Variants in NOLC1 observed in about 807,000 individuals in gnomAD.
The protein encoded by NOLC1 is nucleolar and coiled-body phosphoprotein 1.
NOLC1 carries 37 observed loss-of-function variants against 73.4 expected under a neutral mutation model. That is an observed-to-expected ratio of 0.50 (90% CI 0.39 to 0.66). The LOEUF (loss-of-function observed/expected upper bound fraction) is 0.66. Among genes scored for constraint, NOLC1 ranks in the 30% least tolerant of loss-of-function variants. The probability of loss-of-function intolerance (pLI) is 0.00; values close to 1 mark genes in which losing one functional copy is unlikely to be tolerated. For missense variants in NOLC1, 921 were observed against 838.9 expected (o/e 1.10, Z -1.21); for synonymous variants, 327 against 302.6 (o/e 1.08, Z -0.84).
chr10:102,153,038 A>T (rs1446399202), intron 1 of NOLC1, among the ~76,000 whole-genome samples: 1 of 152,214 alleles, frequency 6.6e-6, no homozygotes, highest in Middle Eastern at 3.2e-3. Flanking sequence ...TTTGAGTTAC[A>T]CTGAGAATTG....
At chr10:102,152,623 G>T (rs962876058) in intron 1 of NOLC1, 93 bp downstream of exon 1, 4 of 1,556,056 alleles carry the variant, frequency 2.6e-6, no homozygotes, top group Non-Finnish European at 3.5e-6. Context: ...GAAGTCTGGG[G>T]GTCCGCCAGT....
intron 6 of NOLC1, 22 bp downstream of exon 6, chr10:102,159,330 A>G (rs2069657623): frequency 1.2e-6 from 2 of 1,613,986 alleles, no homozygotes; most frequent in South Asian, 1.1e-5. Context: ...AACTTCTGTC[A>G]GGGCAGAGGT....
intron 1 of NOLC1, among the ~76,000 whole-genome samples, chr10:102,155,554 G>A (rs2069581736): frequency 1.3e-5 from 2 of 151,216 alleles, no homozygotes; most frequent in African/African-American, 4.9e-5. Flanking sequence ...TGTCGCCCAG[G>A]CTGGAGTACA....
intron 1 of NOLC1, among the ~76,000 whole-genome samples, chr10:102,153,775 T>A (rs961990634): frequency 1.3e-5 from 2 of 148,654 alleles, no homozygotes; most frequent in African/African-American, 5.0e-5. Context: ...CAAGTTCAAG[T>A]GATTATCCTG....
At chr10:102,161,114 C>T (rs768416489) in intron 10 of NOLC1, 21 bp downstream of exon 10, 2 of 1,572,618 alleles carry the variant, frequency 1.3e-6, no homozygotes, top group South Asian at 1.2e-5. Context: ...AATGAACATG[C>T]CCTCTGGGTT....
At position 102,156,426 on chromosome 10, in the gene NOLC1, G is replaced by A. The variant is rs563452061; in HGVS notation, c.121-593G>A. Among the ~76,000 whole-genome samples the A allele has an allele frequency of 1.7e-3, 260 of 150,122 alleles. 1 individual carries two copies. The highest frequency in any genetic ancestry group is 6.4e-3 in the African/African-American group (257 of 40,250). On this transcript the variant is annotated intron_variant, in intron 1 of 12. Transcript: ENST00000605788. ...CATAAGCCACTGTGCCCAGTCAAAA[G>A]TGATTTTTTTTTTTTTTTGAAATGG...
chr10:102,161,366 G>T (rs1480645457), intron 10 of NOLC1, among the ~76,000 whole-genome samples, 190 bp from the exon 11 acceptor site: 1 of 152,030 alleles, frequency 6.6e-6, no homozygotes, highest in Non-Finnish European at 1.5e-5. Flanking sequence ...GAGTAGCCGG[G>T]ACTACAAGCA....
In NOLC1 at chr10:102,161,197, C is replaced by T. The variant is rs2069704098; in HGVS notation, c.1741+104C>T. ...TGAGAGGAGGCCCACCACTGGGCTTCCAGTTGTGGAAACTGGGAGGAAGAA... is the reference window on the plus strand; with the variant it reads ...TGAGAGGAGGCCCACCACTGGGCTTTCAGTTGTGGAAACTGGGAGGAAGAA... On this transcript the variant is annotated intron_variant, in intron 10 of 12. Coordinates refer to ENST00000605788, the MANE Select transcript of NOLC1 (RefSeq NM_004741.5). 3.3e-6 allele frequency: 4 copies of T among 1,226,002 alleles called. No homozygotes were observed. In the South Asian group the frequency reaches 4.8e-5, roughly 15 times the overall value. The allele number at this position is 1,226,002 out of a possible 1,614,324, so 75.9% of individuals were successfully genotyped here.
rs141424326 is a variant in NOLC1, at chr10:102,161,070, C to T, written c.1718C>T (p.Ala573Val). The change falls in exon 10 of 13, where the codon GCG (alanine) becomes GTG (valine). Residue 573 changes from alanine to valine, a missense_variant. Physicochemically the swap from Ala to Val is moderately conservative, Grantham distance 64. Transcript: ENST00000605788. ...SEEEEEEKKKAAVVVSKSGSL... is the reference protein window; with the variant it reads ...SEEEEEEKKKVAVVVSKSGSL... ...GAGGAGGAAGAAGAAAAGAAAAAGG[C>T]GGCAGTGGTAGTTTCCAAATCAGGT... The T allele has an allele frequency of 2.3e-5, 37 of 1,608,782 alleles. No individual in the cohort carries two copies. Among genetic ancestry groups the T allele is most frequent in the Admixed American group, 1.7e-4 (10 of 58,982 alleles).
In NOLC1 at chr10:102,160,982, C is replaced by T; in HGVS notation, c.1630C>T (p.Pro544Ser). Residue 544 changes from proline to serine, a missense_variant, in exon 10 of 13, where the codon CCC becomes TCC. By Grantham distance (74) the Pro-to-Ser change is moderately conservative. Transcript: ENST00000605788. The part of the protein sequence containing the change: ...KGKGSPRPQA[P>S]KANGTSALTA... ...CAAGGGCTCTCCAAGACCACAAGCC[C>T]CCAAGGCCAATGGCACCTCTGCACT... The T allele has an allele frequency of 1.2e-6, 2 of 1,614,072 alleles. No homozygotes were observed. Among genetic ancestry groups the T allele is most frequent in the South Asian group, 1.1e-5 (1 of 91,080 alleles).
At chr10:102,154,402 C>T (rs183438444) in intron 1 of NOLC1, among the ~76,000 whole-genome samples, 2 of 152,018 alleles carry the variant, frequency 1.3e-5, no homozygotes, top group East Asian at 3.9e-4. Context: ...TATGTCTTAT[C>T]CTCTCAATAA....
intron 7 of NOLC1, 105 bp downstream of exon 7, chr10:102,159,673 C>T: frequency 8.0e-7 from 1 of 1,247,124 alleles, no homozygotes; most frequent in Non-Finnish European, 1.1e-6. Context: ...CATGACATGA[C>T]AGCTAGCTTC....
intron 7 of NOLC1, 29 bp downstream of exon 7, chr10:102,159,597 T>G: frequency 1.2e-6 from 2 of 1,608,182 alleles, no homozygotes; most frequent in South Asian, 2.2e-5. Flanking sequence ...CGAAGCTGTG[T>G]GACTGTGGTC....
Position 102,159,860 on chromosome 10 carries a change from A to G in NOLC1, c.860-36A>G, listed in dbSNP as rs780254741. Reference sequence around the variant, plus strand: ...AGTAGTATCAAAAAAAGTTGTAGACATATCCTAAAACCATCACACTATCCT... The same window carrying G: ...AGTAGTATCAAAAAAAGTTGTAGACGTATCCTAAAACCATCACACTATCCT... On this transcript the variant is annotated intron_variant, in intron 7 of 12. Transcript: ENST00000605788. The G allele has an allele frequency of 8.7e-6, 13 of 1,488,296 alleles. No individual in the cohort carries two copies. The African/African-American group carries it at 1.6e-4, about 18-fold the overall frequency. The allele number at this position is 1,488,296 out of a possible 1,614,324, so 92.2% of individuals were successfully genotyped here.
At position 102,163,218 on chromosome 10, in the gene NOLC1, A is replaced by G. The variant is rs1033182408; in HGVS notation, c.*949A>G. The G allele has an allele frequency of 1.3e-5, 2 of 152,174 alleles. No homozygotes were observed. Among genetic ancestry groups the G allele is most frequent in the East Asian group, 1.9e-4 (1 of 5,200 alleles). The allele number at this position is 152,174 out of a possible 1,614,324, so 9.4% of individuals were successfully genotyped here. The stretch of plus-strand genomic sequence containing the variant: ...CAGAATTGGTTTCATTAATTCCTAC[A>G]TGGTTGAGAATCACTGATCAAGAAA... On this transcript the variant is annotated 3_prime_UTR_variant, in exon 13 of 13. Coordinates refer to ENST00000605788, the MANE Select transcript of NOLC1 (RefSeq NM_004741.5).
Position 102,159,541 on chromosome 10 carries a change from C to CAA in NOLC1, c.839_840dup (p.Pro281AsnfsTer3). ...TTCCTCCAGTGACGAGGAAGAGGAG[C>CAA]AAAAAAAACCCATGAAAAATAAACC... On this transcript the variant is annotated frameshift_variant, in exon 7 of 13. Transcript: ENST00000605788. LOFTEE classifies it high-confidence loss of function. 1 of 1,610,624 alleles carries CAA rather than the reference C, an allele frequency of 6.2e-7. No individual in the cohort carries two copies. The highest frequency in any genetic ancestry group is 8.5e-7 in the Non-Finnish European group (1 of 1,178,906).
intron 1 of NOLC1, among the ~76,000 whole-genome samples, 182 bp from the exon 2 acceptor site, chr10:102,156,837 A>G (rs1379041796): frequency 6.6e-6 from 1 of 152,188 alleles, no homozygotes; most frequent in Admixed American, 6.6e-5. Context: ...CCCGTTTTTT[A>G]CATCAGAAAT....
At position 102,152,548 on chromosome 10, in the gene NOLC1, G is replaced by C; in HGVS notation, c.120+18G>C. 6.2e-7 allele frequency: 1 copy of C among 1,613,102 alleles called. No individual in the cohort carries two copies. Among genetic ancestry groups the C allele is most frequent in the Non-Finnish European group, 8.5e-7 (1 of 1,179,972 alleles). ...CAGGAGCTGTGAGTTCCGGGCTTGG[G>C]GCGGGGACCGGGCTGAGATGACCAC... On this transcript the variant is annotated intron_variant, in intron 1 of 12. Transcript: ENST00000605788.
intron 7 of NOLC1, 25 bp downstream of exon 7, chr10:102,159,593 T>C (rs1468482129): frequency 1.2e-6 from 2 of 1,608,784 alleles, no homozygotes; most frequent in East Asian, 4.5e-5. Flanking sequence ...GGAGCGAAGC[T>C]GTGTGACTGT....
Sources: gnomAD v4.1 joint callset for allele counts (sites outside exome capture counted in the v4.1 genomes callset) on GRCh38, gnomAD v4.1.1 for gene constraint, MANE v1.5 for transcripts, NCBI Gene and HGNC (gene_info 2026-07-23, HGNC 2026-07-21) for gene names.